Variants in TENM2 observed in about 807,000 individuals in gnomAD.
TENM2 encodes teneurin transmembrane protein 2, also known as teneurin-2.
TENM2 carries 52 observed loss-of-function variants against 245.2 expected under a neutral mutation model. The observed-to-expected ratio is 0.21, with a 90% CI of 0.17 to 0.27. The LOEUF (loss-of-function observed/expected upper bound fraction) is 0.27. Among genes scored for constraint, TENM2 ranks in the 10% least tolerant of loss-of-function variants. TENM2 has a pLI of 1.00. For missense variants in TENM2, 3,046 were observed against 3,666.8 expected (o/e 0.83, Z 4.37); for synonymous variants, 1,363 against 1,438.9 (o/e 0.95, Z 1.19).
chr5:167,559,605 C>G (rs1773461629), intron 2 of TENM2, among the ~76,000 whole-genome samples: 1 of 152,144 alleles, frequency 6.6e-6, no homozygotes, highest in African/African-American at 2.4e-5. Context: ...TGGCCTCCCA[C>G]CTGTAGTTTT....
At chr5:167,101,754 C>T in the TENM2 span, among the ~76,000 whole-genome samples, 1 of 148,778 alleles carries the variant, frequency 6.7e-6, no homozygotes, top group Non-Finnish European at 1.5e-5. Context: ...CTTTGAGTGG[C>T]CTGTACCCAA....
chr5:167,583,385 A>T (rs1208672348), intron 2 of TENM2, among the ~76,000 whole-genome samples: 1 of 151,946 alleles, frequency 6.6e-6, no homozygotes, highest in Non-Finnish European at 1.5e-5. Flanking sequence ...GTATTGCAGC[A>T]GAAGTGCCTA....
intron 1 of TENM2, among the ~76,000 whole-genome samples, chr5:167,303,749 C>G (rs1363527472): frequency 6.6e-6 from 1 of 151,984 alleles, no homozygotes; most frequent in Non-Finnish European, 1.5e-5. Flanking sequence ...GGTGAAAAGT[C>G]CCATACTCAC....
intron 2 of TENM2, among the ~76,000 whole-genome samples, chr5:167,788,056 A>C (rs2150877433): frequency 6.6e-6 from 1 of 152,326 alleles, no homozygotes; most frequent in Non-Finnish European, 1.5e-5. Flanking sequence ...GGGTGGCCCA[A>C]GGAATTTTCT....
rs746652841 is a variant in TENM2, at chr5:168,218,805, C to T, written c.4914C>T (p.Ile1638=). 1.2e-6 allele frequency: 2 copies of T among 1,613,964 alleles called. No homozygotes were observed. Among genetic ancestry groups the T allele is most frequent in the Admixed American group, 3.3e-5 (2 of 60,016 alleles). The change falls in exon 23 of 29, where the codon ATC becomes ATT. Residue 1638 remains isoleucine, a synonymous_variant. Transcript: ENST00000518659. The surrounding 1 kb of genome is among the most constrained non-coding windows in gnomAD (Gnocchi z 5.2). Reference sequence around the variant, plus strand: ...ACAATAATGGGAATTCCCTGAAGATCCGTCGGGACAGCAGTGGCATGCCCC... The same window carrying T: ...ACAATAATGGGAATTCCCTGAAGATTCGTCGGGACAGCAGTGGCATGCCCC...
At position 168,244,787 on chromosome 5, in the gene TENM2, T is replaced by G; in HGVS notation, c.5817+71T>G. 8.2e-7 allele frequency: 1 copy of G among 1,217,608 alleles called. No homozygotes were observed. Among genetic ancestry groups the G allele is most frequent in the Non-Finnish European group, 1.1e-6 (1 of 928,340 alleles). The allele number at this position is 1,217,608 out of a possible 1,614,324, so 75.4% of individuals were successfully genotyped here. ...TGTTATTCCGGCTTCTTTTTTTTTT[T>G]GAGACAGAGACTTGCTCTGTTGCCC... On this transcript the variant is annotated intron_variant, in intron 26 of 28. Transcript: ENST00000518659. This position sits in a 1 kb window ranked among gnomAD's most constrained non-coding sequence, Gnocchi z 4.9.
At chr5:167,799,605 A>T (rs778993556) in intron 2 of TENM2, among the ~76,000 whole-genome samples, 1 of 152,208 alleles carries the variant, frequency 6.6e-6, no homozygotes, top group Non-Finnish European at 1.5e-5. Flanking sequence ...TCTAATTAAG[A>T]TGCTTTGTGT....
At chr5:168,152,685 T>G (rs1463904493) in intron 12 of TENM2, among the ~76,000 whole-genome samples, 1 of 152,172 alleles carries the variant, frequency 6.6e-6, no homozygotes, top group Non-Finnish European at 1.5e-5. Flanking sequence ...AAAACCAAAT[T>G]AAACCACTGG....
intron 1 of TENM2, among the ~76,000 whole-genome samples, chr5:167,330,395 C>T (rs1226974844): frequency 1.3e-5 from 2 of 152,268 alleles, no homozygotes; most frequent in African/African-American, 2.4e-5. Flanking sequence ...TGAATCCAGT[C>T]TGTCTGACTC....
rs79688874 is a variant in TENM2, at chr5:167,420,168, C to A, written c.502+44695C>A. Among the ~76,000 whole-genome samples, 29 of 152,252 alleles carry A rather than the reference C, an allele frequency of 1.9e-4. No individual in the cohort carries two copies. The East Asian group carries it at 5.6e-3, about 29-fold the overall frequency. ...GGAGTAGTTTGCAACTTGGAAAGCA[C>A]GTGTCCGTGAAAAGTGGAGAGCTTA... On this transcript the variant is annotated intron_variant, in intron 2 of 28. Coordinates refer to ENST00000518659, the Ensembl canonical transcript of TENM2.
intron 7 of TENM2, among the ~76,000 whole-genome samples, chr5:168,081,857 C>G (rs574520654): frequency 6.6e-6 from 1 of 152,252 alleles, no homozygotes; most frequent in East Asian, 1.9e-4. Context: ...TCTGGCTGCC[C>G]TTAATATTTT....
At chr5:167,475,916 G>T (rs956231340) in intron 2 of TENM2, among the ~76,000 whole-genome samples, 8 of 151,848 alleles carry the variant, frequency 5.3e-5, no homozygotes, top group African/African-American at 1.5e-4. Context: ...CATTTGGGTG[G>T]GTTCCAAGTC....
intron 19 of TENM2, among the ~76,000 whole-genome samples, chr5:168,207,917 T>C (rs1237697531): frequency 6.6e-6 from 1 of 152,206 alleles, no homozygotes; most frequent in African/African-American, 2.4e-5. Flanking sequence ...TTAGGTAAAA[T>C]GGTTATCACC....
chr5:167,980,976 A>G (rs1782791659), intron 4 of TENM2, among the ~76,000 whole-genome samples: 1 of 152,158 alleles, frequency 6.6e-6, no homozygotes, highest in Non-Finnish European at 1.5e-5. Flanking sequence ...TTGGCAGCCA[A>G]CAGAGCTCAG....
intron 2 of TENM2, among the ~76,000 whole-genome samples, chr5:167,590,492 T>C (rs1775803727): frequency 6.6e-6 from 1 of 152,130 alleles, no homozygotes; most frequent in Admixed American, 6.5e-5. Flanking sequence ...TTACTAGATA[T>C]TTGCACTGTT....
In TENM2 at chr5:168,219,923, T is replaced by C. The variant is rs150925546; in HGVS notation, c.5108+924T>C. ...AACCCGGCAATGTTTACTTCCTGTTTGTATGCCAATGGTCTTGGGAGAATG... is the reference window on the plus strand; with the variant it reads ...AACCCGGCAATGTTTACTTCCTGTTCGTATGCCAATGGTCTTGGGAGAATG... On this transcript the variant is annotated intron_variant, in intron 23 of 28. Coordinates refer to ENST00000518659, the Ensembl canonical transcript of TENM2. 1.2e-3 allele frequency among the ~76,000 whole-genome samples: 175 copies of C among 151,864 alleles called. 1 individual carries two copies. The highest frequency in any genetic ancestry group is 4.1e-3 in the African/African-American group (171 of 41,340).
chr5:168,197,632 G>T (rs1286331513), intron 15 of TENM2, among the ~76,000 whole-genome samples: 4 of 151,488 alleles, frequency 2.6e-5, no homozygotes, highest in African/African-American at 9.7e-5. Context: ...CCCAGGAGGT[G>T]GAGGTTGCAA....
At chr5:167,434,970 TAGC>T (rs1561952720) in intron 2 of TENM2, among the ~76,000 whole-genome samples, 1 of 152,210 alleles carries the variant, frequency 6.6e-6, no homozygotes, top group East Asian at 1.9e-4. Flanking sequence ...ATTAACAAAA[TAGC>T]AGATAGAACC....
intron 3 of TENM2, among the ~76,000 whole-genome samples, chr5:167,876,581 T>C (rs1030645790): frequency 6.6e-6 from 1 of 152,078 alleles, no homozygotes; most frequent in African/African-American, 2.4e-5. Flanking sequence ...GTATCTCAGA[T>C]CCCTGGTTTG....
Sources: allele counts gnomAD v4.1 joint callset (sites outside exome capture counted in the v4.1 genomes callset), GRCh38; gene constraint gnomAD v4.1.1; non-coding constraint Gnocchi (gnomAD v3.1); transcripts MANE v1.5; gene names NCBI Gene and HGNC (gene_info 2026-07-23, HGNC 2026-07-21).